Variants in GRIP1 observed in about 807,000 individuals in gnomAD.
GRIP1 encodes glutamate receptor interacting protein 1.
A neutral mutation model predicts 129.9 loss-of-function variants in GRIP1; 45 were observed. The ratio of observed to expected loss-of-function variants is 0.35; its 90% CI spans 0.27 to 0.44. The LOEUF is 0.44. Ranked by LOEUF, GRIP1 falls within the 20% of genes least tolerant of loss-of-function variation. GRIP1 has a pLI of 1.00. For synonymous variants in GRIP1, 530 were observed against 520.8 expected (o/e 1.02, Z -0.24); for missense variants, 1,196 against 1,396.8 (o/e 0.86, Z 2.29).
chr12:66,947,803 TCAATAAC>T (rs2137476500), intron 1 of GRIP1, among the ~76,000 whole-genome samples: 1 of 152,348 alleles, frequency 6.6e-6, no homozygotes, highest in South Asian at 2.1e-4. Context: ...ACCAACCTGA[TCAATAAC>T]CAAGTACAAG....
At chr12:66,501,280 A>G (rs1417907267) in intron 7 of GRIP1, among the ~76,000 whole-genome samples, 13 of 152,254 alleles carry the variant, frequency 8.5e-5, no homozygotes, top group African/African-American at 3.1e-4. Context: ...ATTTTATTAC[A>G]TACCAAGTAC....
At chr12:66,855,087 T>C (rs1256740647) in intron 1 of GRIP1, among the ~76,000 whole-genome samples, 1 of 151,948 alleles carries the variant, frequency 6.6e-6, no homozygotes, top group Non-Finnish European at 1.5e-5. Context: ...GGGAGCTGTC[T>C]AGCGGAGAAA....
chr12:66,476,444 G>A (rs1240729447), intron 7 of GRIP1, among the ~76,000 whole-genome samples: 1 of 152,164 alleles, frequency 6.6e-6, no homozygotes, highest in Non-Finnish European at 1.5e-5. Context: ...GGTACAAGGA[G>A]GAGCTGGTAC....
intron 4 of GRIP1, among the ~76,000 whole-genome samples, chr12:66,537,304 G>A (rs1221228752): frequency 6.6e-6 from 1 of 152,004 alleles, no homozygotes; most frequent in Non-Finnish European, 1.5e-5. Flanking sequence ...TGTGGAGCTG[G>A]GATTTGAACC....
At chr12:66,643,173 T>C (rs902962314) in intron 1 of GRIP1, among the ~76,000 whole-genome samples, 1 of 152,220 alleles carries the variant, frequency 6.6e-6, no homozygotes, top group Non-Finnish European at 1.5e-5. Flanking sequence ...TAAATAGGCA[T>C]GTCCTTTCTG....
chr12:66,764,481 C>T (rs116068028), intron 1 of GRIP1, among the ~76,000 whole-genome samples: 1,957 of 152,200 alleles, frequency 0.013, 56 homozygotes, highest in African/African-American at 0.044. Flanking sequence ...TATACTAAGA[C>T]CTTTGACCAA....
chr12:66,458,142 C>T (rs2059022047), intron 9 of GRIP1, among the ~76,000 whole-genome samples: 1 of 152,164 alleles, frequency 6.6e-6, no homozygotes, highest in Non-Finnish European at 1.5e-5. Flanking sequence ...TTCATAGCCA[C>T]TATAATTTTG....
intron 7 of GRIP1, among the ~76,000 whole-genome samples, chr12:66,491,217 T>C (rs1353838624): frequency 6.6e-6 from 1 of 152,158 alleles, no homozygotes; most frequent in African/African-American, 2.4e-5. Flanking sequence ...TCAACCCAAA[T>C]GCTCATCAAT....
chr12:66,871,218 T>C (rs188802914), intron 1 of GRIP1, among the ~76,000 whole-genome samples: 3 of 152,248 alleles, frequency 2.0e-5, no homozygotes, highest in East Asian at 3.9e-4. Context: ...TAGGCAATGC[T>C]GCGATTTTCT....
intron 1 of GRIP1, among the ~76,000 whole-genome samples, chr12:66,604,697 A>G (rs1001553973): frequency 5.9e-5 from 9 of 152,126 alleles, no homozygotes; most frequent in Admixed American, 5.9e-4. Flanking sequence ...TTGGTGCAAA[A>G]TTTGGATTGC....
intron 7 of GRIP1, among the ~76,000 whole-genome samples, chr12:66,492,318 G>A (rs1026647552): frequency 4.6e-5 from 7 of 151,982 alleles, no homozygotes; most frequent in East Asian, 1.9e-4. Context: ...ATTTCTGACC[G>A]ACCTCCTTGG....
chr12:66,960,428 T>C (rs1032244907), intron 1 of GRIP1, among the ~76,000 whole-genome samples: 4 of 152,102 alleles, frequency 2.6e-5, no homozygotes, highest in African/African-American at 4.8e-5. Context: ...TATTAAGACA[T>C]AGGAAACATC....
chr12:66,752,554 C>CTTAT (rs2037161815), intron 1 of GRIP1, among the ~76,000 whole-genome samples: 2 of 152,224 alleles, frequency 1.3e-5, no homozygotes, highest in South Asian at 4.2e-4. Context: ...AACTTACAGC[C>CTTAT]TTATACATAT....
chr12:66,952,269 G>A (rs1397402068), intron 1 of GRIP1, among the ~76,000 whole-genome samples: 2 of 152,106 alleles, frequency 1.3e-5, no homozygotes, highest in Admixed American at 6.6e-5. Flanking sequence ...GTTTCAAGAA[G>A]GGAGTGGCCA....
At chr12:66,497,812 C>T (rs2060276500) in intron 7 of GRIP1, among the ~76,000 whole-genome samples, 1 of 152,110 alleles carries the variant, frequency 6.6e-6, no homozygotes, top group South Asian at 2.1e-4. Context: ...CCATCGCATC[C>T]CCTGTGACTT....
intron 2 of GRIP1, among the ~76,000 whole-genome samples, chr12:66,552,658 T>A (rs1252655380): frequency 6.6e-6 from 1 of 152,118 alleles, no homozygotes; most frequent in Non-Finnish European, 1.5e-5. Flanking sequence ...AATGTATAGA[T>A]GAAATACTTT....
At chr12:67,011,411 C>G (rs887442388) in intron 1 of GRIP1, among the ~76,000 whole-genome samples, 1 of 152,162 alleles carries the variant, frequency 6.6e-6, no homozygotes, top group African/African-American at 2.4e-5. Flanking sequence ...AGGAAAAGAA[C>G]GCTGTTTTTA....
chr12:67,057,018 G>A (rs566854971), intron 1 of GRIP1, among the ~76,000 whole-genome samples: 23 of 152,150 alleles, frequency 1.5e-4, no homozygotes, highest in African/African-American at 5.5e-4. Context: ...ACCATTGTTG[G>A]TCAGGCTGGT....
At chr12:66,445,639 G>A (rs2058601542) in intron 11 of GRIP1, 131 bp from the exon 12 acceptor site, 2 of 623,994 alleles carry the variant, frequency 3.2e-6, no homozygotes, top group Non-Finnish European at 5.6e-6. Flanking sequence ...ATGGCCTCTG[G>A]TTTAGCAAGA....
Sources: allele counts gnomAD v4.1 joint callset (sites outside exome capture counted in the v4.1 genomes callset), GRCh38; gene constraint gnomAD v4.1.1; transcripts MANE v1.5; gene names NCBI Gene and HGNC (gene_info 2026-07-23, HGNC 2026-07-21).